Variants in AUTS2 observed in about 807,000 individuals in gnomAD.
AUTS2 encodes the protein activator of transcription and developmental regulator AUTS2.
Under a neutral mutation model 112.4 loss-of-function variants are expected in AUTS2, and 17 were observed. The ratio of observed to expected loss-of-function variants is 0.15; its 90% confidence interval spans 0.10 to 0.23. AUTS2 has a LOEUF of 0.23. AUTS2 is among the 10% of genes least tolerant of loss of function. The pLI is 1.00. For synonymous variants in AUTS2, 751 were observed against 702.7 expected (o/e 1.07, Z -1.09); for missense variants, 1,510 against 1,701.6 (o/e 0.89, Z 1.98).
At chr7:69,937,861 G>C (rs920614093) in intron 2 of AUTS2, among the ~76,000 whole-genome samples, 1 of 152,126 alleles carries the variant, frequency 6.6e-6, no homozygotes, top group African/African-American at 2.4e-5. Flanking sequence ...CTCCAGCCAT[G>C]GGGCCTTGTT....
rs150957203 is a variant in AUTS2, at chr7:70,620,206, T to G, written c.691-78363T>G. On this transcript the variant is annotated intron_variant, in intron 5 of 18. Transcript: ENST00000342771. ...TAGAACAGACACCTTCCTGAAAAAC[T>G]GCATGTAAATGCAATTTTTGACAGG... Among the ~76,000 whole-genome samples the G allele has an allele frequency of 2.3e-3, 356 of 152,348 alleles. 1 individual carries two copies. The highest frequency in any genetic ancestry group is 7.3e-3 in the African/African-American group (303 of 41,564).
chr7:70,120,675 G>C (rs1426048437), intron 3 of AUTS2, among the ~76,000 whole-genome samples: 1 of 152,004 alleles, frequency 6.6e-6, no homozygotes, highest in Non-Finnish European at 1.5e-5. Flanking sequence ...CTTTTGGCTT[G>C]TTTCCTCTAA....
chr7:69,678,559 C>A (rs1796666222), intron 1 of AUTS2, among the ~76,000 whole-genome samples: 1 of 152,184 alleles, frequency 6.6e-6, no homozygotes, highest in African/African-American at 2.4e-5. Context: ...CGTGTACAGA[C>A]AGGCTGAACT....
intron 4 of AUTS2, among the ~76,000 whole-genome samples, chr7:70,272,611 G>A (rs375846697): frequency 3.3e-5 from 5 of 150,174 alleles, no homozygotes; most frequent in East Asian, 3.9e-4. Context: ...GGGTTCTCTC[G>A]TTTTTTTTTC....
In AUTS2 at chr7:70,150,175, A is replaced by G. The variant is rs1031059819; in HGVS notation, c.660+15604A>G. Among the ~76,000 whole-genome samples, 6 of 152,136 alleles carry G rather than the reference A, an allele frequency of 3.9e-5. 1 individual carries two copies. The highest frequency in any genetic ancestry group is 8.8e-5 in the Non-Finnish European group (6 of 67,980). ...TAATTTAGTACATTTAAATGGTTAG[A>G]GATTCAATTCTTTTCTGTGAATTTT... On this transcript the variant is annotated intron_variant, in intron 4 of 18. Coordinates refer to ENST00000342771, the MANE Select transcript of AUTS2 (RefSeq NM_015570.4).
At chr7:70,452,848 A>G (rs1234671648) in intron 5 of AUTS2, among the ~76,000 whole-genome samples, 1 of 152,176 alleles carries the variant, frequency 6.6e-6, no homozygotes, top group Non-Finnish European at 1.5e-5. Flanking sequence ...GACAGCCTTT[A>G]TAATCTGAGT....
intron 4 of AUTS2, among the ~76,000 whole-genome samples, chr7:70,182,776 T>C (rs556743547): frequency 1.9e-4 from 29 of 151,508 alleles, no homozygotes; most frequent in Admixed American, 9.8e-4. Context: ...GAGAGACAGA[T>C]TCTTCATAAA....
At chr7:70,145,433 G>A (rs1054937290) in intron 4 of AUTS2, among the ~76,000 whole-genome samples, 6 of 152,078 alleles carry the variant, frequency 3.9e-5, no homozygotes, top group Admixed American at 6.6e-5. Flanking sequence ...TTGTGATGTG[G>A]ATGCATTCAT....
At chr7:69,778,974 C>G (rs181048778) in intron 1 of AUTS2, among the ~76,000 whole-genome samples, 33 of 137,438 alleles carry the variant, frequency 2.4e-4, no homozygotes, top group African/African-American at 8.2e-4. Context: ...GCCATTTTTA[C>G]ATTTCATCTC....
At chr7:69,867,175 T>G (rs1028780897) in intron 1 of AUTS2, among the ~76,000 whole-genome samples, 1 of 147,740 alleles carries the variant, frequency 6.8e-6, no homozygotes, top group African/African-American at 2.5e-5. Context: ...GCTTAGGTGG[T>G]CTTTTCTCTG....
intron 2 of AUTS2, among the ~76,000 whole-genome samples, chr7:69,968,841 T>C (rs1797733366): frequency 6.6e-6 from 1 of 152,172 alleles, no homozygotes; most frequent in African/African-American, 2.4e-5. Context: ...AACTCCTTTT[T>C]ACTGCATTTT....
At chr7:70,556,072 C>T (rs1009429597) in intron 5 of AUTS2, among the ~76,000 whole-genome samples, 1 of 152,166 alleles carries the variant, frequency 6.6e-6, no homozygotes, top group Non-Finnish European at 1.5e-5. Context: ...TCCCAAAGTG[C>T]TGGGATTACA....
rs141466917 is a variant in AUTS2, at chr7:69,616,949, G to A, written c.309+16987G>A. On this transcript the variant is annotated intron_variant, in intron 1 of 18. Coordinates refer to ENST00000342771, the MANE Select transcript of AUTS2 (RefSeq NM_015570.4). ...AAAAATTTATTGACAGCTTCTGTGT[G>A]CTAGGCAGGCAGTACTCCAGGCACA... is the stretch of plus-strand genomic sequence containing the variant. 4.1e-3 allele frequency among the ~76,000 whole-genome samples: 630 copies of A among 152,250 alleles called. 6 individuals are homozygous for A. Among genetic ancestry groups the A allele is most frequent in the African/African-American group, 0.014 (587 of 41,540 alleles).
intron 2 of AUTS2, among the ~76,000 whole-genome samples, chr7:70,008,205 AT>A (rs1214014824): frequency 6.6e-6 from 1 of 151,918 alleles, no homozygotes; most frequent in Non-Finnish European, 1.5e-5. Flanking sequence ...ACATATTCAT[AT>A]TTTTTCTTTA....
chr7:70,381,219 A>G (rs1191720713), intron 4 of AUTS2, among the ~76,000 whole-genome samples: 1 of 152,238 alleles, frequency 6.6e-6, no homozygotes, highest in African/African-American at 2.4e-5. Context: ...TATTCACAAG[A>G]TAAAGAAGAG....
At chr7:70,441,650 G>A (rs1475230968) in intron 5 of AUTS2, among the ~76,000 whole-genome samples, 2 of 152,154 alleles carry the variant, frequency 1.3e-5, no homozygotes, top group African/African-American at 4.8e-5. Context: ...GCCTCCCAAA[G>A]CACTGATATT....
At chr7:70,149,645 C>CAG (rs1807320565) in intron 4 of AUTS2, among the ~76,000 whole-genome samples, 1 of 151,884 alleles carries the variant, frequency 6.6e-6, no homozygotes. Flanking sequence ...ATAGTCTTCT[C>CAG]TGTAGATTAT....
At chr7:69,672,732 C>T (rs1006787952) in intron 1 of AUTS2, among the ~76,000 whole-genome samples, 1 of 152,184 alleles carries the variant, frequency 6.6e-6, no homozygotes, top group Non-Finnish European at 1.5e-5. Flanking sequence ...GGCCAGAATC[C>T]TAGAGACCCA....
chr7:70,076,405 G>T (rs539295098), intron 2 of AUTS2, among the ~76,000 whole-genome samples: 1 of 152,126 alleles, frequency 6.6e-6, no homozygotes, highest in African/African-American at 2.4e-5. Context: ...GTAGTGAAAA[G>T]ATGTTGAACA....
Sources: gnomAD v4.1 joint callset for allele counts (sites outside exome capture counted in the v4.1 genomes callset) on GRCh38, gnomAD v4.1.1 for gene constraint, MANE v1.5 for transcripts, NCBI Gene and HGNC (gene_info 2026-07-23, HGNC 2026-07-21) for gene names.